Variants in OTP observed in about 807,000 individuals in gnomAD.
The protein encoded by OTP is homeobox protein orthopedia.
In OTP, 5 loss-of-function variants were observed where a neutral mutation model predicts 22.3. That is an observed-to-expected ratio of 0.22 (90% CI 0.12 to 0.47). The LOEUF (loss-of-function observed/expected upper bound fraction) is 0.47, where lower values mean the gene tolerates loss of function less well. Among genes scored for constraint, OTP ranks in the 20% least tolerant of loss-of-function variants. The pLI is 0.99. For synonymous variants in OTP, 229 were observed against 210.6 expected (o/e 1.09, Z -0.76); for missense variants, 428 against 456.2 (o/e 0.94, Z 0.56).
Position 77,631,551 on chromosome 5 carries a change from CTTTTTTTTTTTT to C in OTP, c.448-769_448-758del, listed in dbSNP as rs70988699. Among the ~76,000 whole-genome samples, 7 of 74,236 alleles carry C rather than the reference CTTTTTTTTTTTT, an allele frequency of 9.4e-5. No individual in the cohort carries two copies. The East Asian group carries it at 2.0e-3, about 21-fold the overall frequency. 48.7% of individuals were successfully genotyped at this position (74,236 alleles called of 152,430 possible). ...TGCCCCAAGAGCCTTCAACCCTATT[CTTTTTTTTTTTT>C]TTTTTTTTTTTTTGAGACGGAGTCT... On this transcript the variant is annotated intron_variant, in intron 2 of 2. Transcript: ENST00000306422.
intron 2 of OTP, among the ~76,000 whole-genome samples, chr5:77,631,042 G>A (rs1463638539): frequency 2.6e-5 from 4 of 152,232 alleles, no homozygotes. Flanking sequence ...GTGCCCCGAA[G>A]AGTTTACGCA....
intron 2 of OTP, 199 bp downstream of exon 2, chr5:77,636,622 G>A: frequency 1.8e-6 from 1 of 562,146 alleles, no homozygotes; most frequent in Non-Finnish European, 3.1e-6. Context: ...ACTGGCCGGA[G>A]ACGGGCCTTG....
intron 2 of OTP, among the ~76,000 whole-genome samples, chr5:77,634,783 C>A (rs1744983170): frequency 6.6e-6 from 1 of 152,142 alleles, no homozygotes; most frequent in South Asian, 2.1e-4. Flanking sequence ...ACTTTTTAAA[C>A]TATGGAACAT....
chr5:77,638,661 A>G lies in OTP; in HGVS notation c.-112T>C. On this transcript the variant is annotated 5_prime_UTR_variant, in exon 1 of 3. Transcript: ENST00000306422. ...CGATATAGATATATATAGATCACCT[A>G]AATGAAAGAAAATTCGGTTTGTGGT... The G allele has an allele frequency of 9.8e-7, 1 of 1,024,636 alleles. No homozygotes were observed. The highest frequency in any genetic ancestry group is 1.3e-6 in the Non-Finnish European group (1 of 746,334). 63.5% of individuals were successfully genotyped at this position (1,024,636 alleles called of 1,614,324 possible). A position where few individuals can be genotyped will look rare whatever the true frequency, so the allele number is the denominator to read the frequency against.
chr5:77,634,012 C>A (rs1482136528), intron 2 of OTP, among the ~76,000 whole-genome samples: 5 of 152,142 alleles, frequency 3.3e-5, no homozygotes, highest in African/African-American at 7.2e-5. Flanking sequence ...CTCAGTTTGT[C>A]CCCCTATTAA....
Position 77,637,040 on chromosome 5 carries a change from G to A in OTP, c.228C>T (p.Ser76=). The A allele has an allele frequency of 6.2e-7, 1 of 1,612,814 alleles. No individual in the cohort carries two copies. Among genetic ancestry groups the A allele is most frequent in the Non-Finnish European group, 8.5e-7 (1 of 1,179,624 alleles). Residue 76 remains serine (S), a synonymous_variant, in exon 2 of 3, where the codon AGC becomes AGT. Transcript: ENST00000306422. ...VGSTPASLAV[S]AKDPDKQPGP... ...CGGGCTGCTTGTCCGGGTCTTTGGCGCTCACCGCCAGCGAGGCCGGAGTAG... is the reference window on the plus strand; with the variant it reads ...CGGGCTGCTTGTCCGGGTCTTTGGCACTCACCGCCAGCGAGGCCGGAGTAG...
At chr5:77,636,745 G>A (rs1745013534) in intron 2 of OTP, 76 bp downstream of exon 2, 1 of 1,439,724 alleles carries the variant, frequency 6.9e-7, no homozygotes. Flanking sequence ...ACAGGGGAAG[G>A]GAAGACCCTG....
intron 2 of OTP, among the ~76,000 whole-genome samples, chr5:77,632,343 T>C (rs917280103): frequency 1.3e-5 from 2 of 152,258 alleles, no homozygotes; most frequent in Non-Finnish European, 2.9e-5. Flanking sequence ...AATCTGGTCA[T>C]CTGGCGTTTA....
At chr5:77,635,376 T>C (rs1561246585) in intron 2 of OTP, among the ~76,000 whole-genome samples, 1 of 152,218 alleles carries the variant, frequency 6.6e-6, no homozygotes, top group South Asian at 2.1e-4. Context: ...TACTAACACA[T>C]GTTTACAGTT....
chr5:77,633,561 G>A (rs1744961030), intron 2 of OTP, among the ~76,000 whole-genome samples: 1 of 152,180 alleles, frequency 6.6e-6, no homozygotes, highest in Non-Finnish European at 1.5e-5. Flanking sequence ...GGCCAACTTT[G>A]TACTCAGTTT....
In OTP at chr5:77,630,423, GA is replaced by G; in HGVS notation, c.818del (p.Phe273SerfsTer44). ...GGAGGGAGGCGGGCACCATGCCGGG[GA>G]AGGCGGGCTGGTAGAGGTGCGACTG... ...GLQSHLYQPAFPGMVPASLPG... is the reference protein window; with the variant it reads ...GLQSHLYQPAXPGMVPASLPG... On this transcript the variant is annotated frameshift_variant, in exon 3 of 3. Coordinates refer to ENST00000306422, the MANE Select transcript of OTP (RefSeq NM_032109.3). LOFTEE classifies it high-confidence loss of function. The G allele has an allele frequency of 6.3e-7, 1 of 1,581,768 alleles. No homozygotes were observed. The highest frequency in any genetic ancestry group is 8.6e-7 in the Non-Finnish European group (1 of 1,166,068).
intron 2 of OTP, among the ~76,000 whole-genome samples, chr5:77,633,972 T>G (rs1744969334): frequency 6.6e-6 from 1 of 152,152 alleles, no homozygotes; most frequent in Non-Finnish European, 1.5e-5. Context: ...AAATGCAATT[T>G]CTCATTCCAT....
chr5:77,638,389 A>G, intron 1 of OTP, 124 bp downstream of exon 1: 1 of 938,418 alleles, frequency 1.1e-6, no homozygotes, highest in East Asian at 2.7e-5. Context: ...TTAAACTTTA[A>G]TGCAGCACAA....
chr5:77,638,367 T>C (rs182257465), intron 1 of OTP, 146 bp downstream of exon 1: 49 of 763,228 alleles, frequency 6.4e-5, no homozygotes, highest in Admixed American at 4.3e-4. Flanking sequence ...TTAAAGGCGA[T>C]GTTAAATCAA....
Position 77,630,722 on chromosome 5 carries a change from T to G in OTP, c.520A>C (p.Thr174Pro), listed in dbSNP as rs777955903. Residue 174 changes from threonine (T) to proline (P), a missense_variant, in exon 3 of 3, where the codon ACA (threonine) becomes CCA (proline). Physicochemically the swap from Thr to Pro is conservative, Grantham distance 38 (BLOSUM62 -1). This residue lies in a region of OTP where 236 missense variants were observed against 238.1 expected (regional missense o/e 0.99). Coordinates refer to ENST00000306422, the MANE Select transcript of OTP (RefSeq NM_032109.3). ...GGCAGGCCTGGCGTGGGCAGCAGTG[T>G]GCCGGGCGCACGGAACACGTTGGTC... ...KTTNVFRAPG[T>P]LLPTPGLPQF... The G allele has an allele frequency of 6.3e-6, 10 of 1,582,628 alleles. No individual in the cohort carries two copies. The highest frequency in any genetic ancestry group is 7.7e-6 in the Non-Finnish European group (9 of 1,173,640).
At position 77,637,449 on chromosome 5, in the gene OTP, C is replaced by G. The variant is rs1207201455; in HGVS notation, c.38-219G>C. 2.6e-5 allele frequency among the ~76,000 whole-genome samples: 4 copies of G among 152,206 alleles called. No homozygotes were observed. In the East Asian group the frequency reaches 7.7e-4, roughly 29 times the overall value. ...CCTTGCCCTCGCCGCAGCCGGCTCCCGTAGTAAACAGCACAAGCTTTCGTC... is the reference window on the plus strand; with the variant it reads ...CCTTGCCCTCGCCGCAGCCGGCTCCGGTAGTAAACAGCACAAGCTTTCGTC... On this transcript the variant is annotated intron_variant, in intron 1 of 2. Coordinates refer to ENST00000306422, the MANE Select transcript of OTP (RefSeq NM_032109.3).
intron 2 of OTP, among the ~76,000 whole-genome samples, chr5:77,634,976 A>T (rs1343943931): frequency 6.6e-6 from 1 of 152,100 alleles, no homozygotes; most frequent in East Asian, 1.9e-4. Flanking sequence ...ATTTTATTTC[A>T]TTTACAACTT....
At position 77,632,549 on chromosome 5, in the gene OTP, A is replaced by G. The variant is rs1387330748; in HGVS notation, c.448-1755T>C. Among the ~76,000 whole-genome samples, 8 of 151,666 alleles carry G rather than the reference A, an allele frequency of 5.3e-5. No homozygotes were observed. In the East Asian group the frequency reaches 1.6e-3, roughly 29 times the overall value. On this transcript the variant is annotated intron_variant, in intron 2 of 2. Coordinates refer to ENST00000306422, the MANE Select transcript of OTP (RefSeq NM_032109.3). ...CTGCCCTCGGTCTCGGTGAGCCAGC[A>G]ATGTTCAGCGGTGTGTTCATGCCCA...
Position 77,630,023 on chromosome 5 carries a change from A to C in OTP, c.*241T>G. The C allele has an allele frequency of 4.1e-6, 1 of 241,900 alleles. No homozygotes were observed. The highest frequency in any genetic ancestry group is 7.8e-6 in the Non-Finnish European group (1 of 127,684). The allele number at this position is 241,900 out of a possible 1,614,324, so 15.0% of individuals were successfully genotyped here. A position where few individuals can be genotyped will look rare whatever the true frequency, so the allele number is the denominator to read the frequency against. Reference sequence around the variant, plus strand: ...CGAGGGCGCAGCTGGGTGGGAAGGGAAGAGGGGCGGCCGGGAGACGGGGGA... The same window carrying C: ...CGAGGGCGCAGCTGGGTGGGAAGGGCAGAGGGGCGGCCGGGAGACGGGGGA... On this transcript the variant is annotated 3_prime_UTR_variant, in exon 3 of 3. Transcript: ENST00000306422.
Sources: gnomAD v4.1 joint callset for allele counts (sites outside exome capture counted in the v4.1 genomes callset) on GRCh38, gnomAD v4.1.1 for gene constraint, gnomAD v4.1.1 regional missense constraint, MANE v1.5 for transcripts, NCBI Gene and HGNC (gene_info 2026-07-23, HGNC 2026-07-21) for gene names.